The following ADGB variants were observed in gnomAD, a reference collection of about 807,000 sequenced individuals.
The protein encoded by ADGB is androglobin, also known as calpain-7-like protein.
Under a neutral mutation model 210.5 loss-of-function variants are expected in ADGB, and 172 were observed. The observed-to-expected ratio is 0.82, with a 90% CI of 0.72 to 0.93. ADGB has a LOEUF of 0.93. Among genes scored for constraint, ADGB ranks in the 40% least tolerant of loss-of-function variants. ADGB has a pLI of 0.00. For missense variants in ADGB, 2,025 were observed against 1,964.8 expected, an observed-to-expected ratio of 1.03 and a Z score of -0.58; for synonymous variants, 658 against 662.7, an observed-to-expected ratio of 0.99 and a Z score of 0.11.
chr6:146,773,890 T>C, intron 29 of ADGB, among the ~76,000 whole-genome samples: 1 of 152,160 alleles, frequency 6.6e-6, no homozygotes, highest in Non-Finnish European at 1.5e-5. Context: ...ATCTTCCCAA[T>C]AAACTTATGA....
At chr6:146,717,208 C>T (rs1776748580) in intron 15 of ADGB, 139 bp downstream of exon 15, 2 of 658,488 alleles carry the variant, frequency 3.0e-6, no homozygotes, top group African/African-American at 3.7e-5. Flanking sequence ...TTAGCATCAT[C>T]CAAAATAAGC....
chr6:146,675,747 A>G (rs1464312548), intron 8 of ADGB, among the ~76,000 whole-genome samples: 2 of 152,180 alleles, frequency 1.3e-5, no homozygotes, highest in Non-Finnish European at 2.9e-5. Context: ...GATTGAGTAT[A>G]TGAATGAGCA....
chr6:146,709,697 C>G (rs1333812340), intron 13 of ADGB, among the ~76,000 whole-genome samples: 1 of 152,214 alleles, frequency 6.6e-6, no homozygotes, highest in Non-Finnish European at 1.5e-5. Context: ...ATCTACTTTA[C>G]TGCTTTACTG....
At chr6:146,678,519 G>A (rs958580683) in intron 9 of ADGB, among the ~76,000 whole-genome samples, 7 of 152,088 alleles carry the variant, frequency 4.6e-5, no homozygotes, top group South Asian at 2.1e-4. Flanking sequence ...GTGTCACCAC[G>A]CTCTGTCTAT....
Position 146,635,362 on chromosome 6 carries a change from T to G in ADGB, c.75-13T>G, listed in dbSNP as rs1775402790. 1 of 1,448,524 alleles carries G rather than the reference T, an allele frequency of 6.9e-7. No homozygotes were observed. Among genetic ancestry groups the G allele is most frequent in the Non-Finnish European group, 9.1e-7 (1 of 1,095,706 alleles). The allele number at this position is 1,448,524 out of a possible 1,614,324, so 89.7% of individuals were successfully genotyped here. On this transcript the variant is annotated splice_polypyrimidine_tract_variant and intron_variant, in intron 1 of 35. Transcript: ENST00000397944. ...AATTAAACCTAACCCACCCACTCTC[T>G]GTCTCTGTCTAGTTTCTATCCTTTT...
chr6:146,632,599 T>C (rs1305656854), intron 1 of ADGB, among the ~76,000 whole-genome samples: 2 of 152,152 alleles, frequency 1.3e-5, no homozygotes, highest in African/African-American at 2.4e-5. Flanking sequence ...ATTTCCTCCT[T>C]ATCTCTCTGA....
At chr6:146,751,404 A>G (rs1173635594) in intron 26 of ADGB, among the ~76,000 whole-genome samples, 2 of 151,952 alleles carry the variant, frequency 1.3e-5, no homozygotes, top group Non-Finnish European at 2.9e-5. Flanking sequence ...GGTTAATTCC[A>G]TGTCTTTGCT....
Position 146,635,387 on chromosome 6 carries a change from T to TG in ADGB, c.89dup (p.Ser31GlnfsTer2). 1 of 1,518,936 alleles carries TG rather than the reference T, an allele frequency of 6.6e-7. No homozygotes were observed. The highest frequency in any genetic ancestry group is 8.8e-7 in the Non-Finnish European group (1 of 1,131,832). The allele number at this position is 1,518,936 out of a possible 1,614,324, so 94.1% of individuals were successfully genotyped here. A position where few individuals can be genotyped will look rare whatever the true frequency, so the allele number is the denominator to read the frequency against. ...TGTCTCTGTCTAGTTTCTATCCTTTTGGCAGTAATGTACAATCTGGTTCTA... is the reference window on the plus strand; with the variant it reads ...TGTCTCTGTCTAGTTTCTATCCTTTTGGGCAGTAATGTACAATCTGGTTCTA... On this transcript the variant is annotated frameshift_variant, in exon 2 of 36. Transcript: ENST00000397944. LOFTEE classifies it high-confidence loss of function.
At chr6:146,781,871 C>A in intron 29 of ADGB, 149 bp from the exon 30 acceptor site, 1 of 510,186 alleles carries the variant, frequency 2.0e-6, no homozygotes, top group Non-Finnish European at 3.1e-6. Context: ...GAAAACGAGT[C>A]CAACAGGCCT....
intron 3 of ADGB, among the ~76,000 whole-genome samples, chr6:146,648,713 G>A (rs562902986): frequency 4.6e-5 from 7 of 151,392 alleles, no homozygotes; most frequent in African/African-American, 1.7e-4. Flanking sequence ...GATTTGGGTG[G>A]GGACACAGAC....
chr6:146,809,486 T>A (rs776944701), intron 35 of ADGB, among the ~76,000 whole-genome samples: 1 of 152,034 alleles, frequency 6.6e-6, no homozygotes, highest in Non-Finnish European at 1.5e-5. Context: ...GATTACAGGC[T>A]GGAGCCATGG....
chr6:146,753,924 A>T (rs1777362679), intron 27 of ADGB, among the ~76,000 whole-genome samples: 1 of 151,686 alleles, frequency 6.6e-6, no homozygotes, highest in Non-Finnish European at 1.5e-5. Flanking sequence ...ACTTGAAATT[A>T]ATTTGAGAAC....
At chr6:146,724,825 C>A (rs964961026) in intron 18 of ADGB, 3 of 151,956 alleles carry the variant, frequency 2.0e-5, no homozygotes, top group Non-Finnish European at 4.4e-5. Context: ...TCAGATAAAG[C>A]TGGTTAAACA....
chr6:146,802,976 T>C lies in ADGB; in HGVS notation c.4818+965T>C. 4.3e-6 allele frequency: 7 copies of C among 1,609,772 alleles called. 1 individual carries two copies. In the South Asian group the frequency reaches 7.7e-5, roughly 18 times the overall value. ...GTTCTGACCACCACCTTTTAATGAC[T>C]GCTTGAAGCCAGTTTAAACCAACTA... On this transcript the variant is annotated intron_variant, in intron 35 of 35. Coordinates refer to ENST00000397944, the MANE Select transcript of ADGB (RefSeq NM_024694.4).
intron 33 of ADGB, among the ~76,000 whole-genome samples, chr6:146,800,460 A>G (rs1199386774): frequency 6.6e-6 from 1 of 152,194 alleles, no homozygotes; most frequent in African/African-American, 2.4e-5. Context: ...CAACTTGGTA[A>G]ATTTACTAAG....
In ADGB at chr6:146,623,172, G is replaced by A. The variant is rs899017117; in HGVS notation, c.75-12203G>A. Among the ~76,000 whole-genome samples the A allele has an allele frequency of 4.0e-5, 6 of 151,692 alleles. No individual in the cohort carries two copies. The South Asian group carries it at 1.2e-3, about 31-fold the overall frequency. ...TTTGCCTATTCTATTTTCCGTTTGG[G>A]TCCATATGAGATTTAGAATCAACTT... On this transcript the variant is annotated intron_variant, in intron 1 of 35. Transcript: ENST00000397944.
intron 1 of ADGB, 78 bp downstream of exon 1, chr6:146,599,192 G>T (rs879538651): frequency 1.0e-5 from 14 of 1,338,268 alleles, no homozygotes; most frequent in Non-Finnish European, 1.3e-5. Flanking sequence ...CTGCCTCCCT[G>T]CAGCAAACTG....
At chr6:146,715,673 G>A (rs1435219998) in intron 14 of ADGB, among the ~76,000 whole-genome samples, 1 of 152,100 alleles carries the variant, frequency 6.6e-6, no homozygotes, top group Non-Finnish European at 1.5e-5. Context: ...CCCTGTGATC[G>A]AAACACTAAA....
At chr6:146,645,090 T>G (rs909102615) in intron 3 of ADGB, among the ~76,000 whole-genome samples, 19 of 152,030 alleles carry the variant, frequency 1.2e-4, no homozygotes, top group Non-Finnish European at 1.8e-4. Context: ...TTTAGAACCT[T>G]GATTTTTCTT....
Sources: allele counts gnomAD v4.1 joint callset (sites outside exome capture counted in the v4.1 genomes callset), GRCh38; gene constraint gnomAD v4.1.1; transcripts MANE v1.5; gene names NCBI Gene and HGNC (gene_info 2026-07-23, HGNC 2026-07-21).